The following GALNT9 variants were observed in gnomAD, a reference collection of about 807,000 sequenced individuals.
GALNT9 encodes polypeptide N-acetylgalactosaminyltransferase 9, also known as GalNAc transferase 9.
Under a neutral mutation model 63.1 loss-of-function variants are expected in GALNT9, and 47 were observed. That is an observed-to-expected ratio of 0.75 (90% confidence interval 0.59 to 0.95). The LOEUF is 0.95. Ranked by LOEUF, GALNT9 falls within the 40% of genes least tolerant of loss-of-function variation. The pLI, the probability that GALNT9 is intolerant of heterozygous loss-of-function variation, is 0.00. For synonymous variants in GALNT9, 396 were observed against 365.7 expected (o/e 1.08, Z -0.94); for missense variants, 829 against 874.8 (o/e 0.95, Z 0.66).
chr12:132,311,581 T>C (rs558603968), intron 1 of GALNT9, among the ~76,000 whole-genome samples: 4 of 152,150 alleles, frequency 2.6e-5, no homozygotes, highest in Non-Finnish European at 5.9e-5. Flanking sequence ...AAAGAGACAC[T>C]GTGAGCAAGT....
chr12:132,267,998 C>T (rs549136474), intron 2 of GALNT9, among the ~76,000 whole-genome samples: 2 of 151,128 alleles, frequency 1.3e-5, no homozygotes, highest in African/African-American at 2.5e-5. Context: ...CACACATGCA[C>T]ACACACAGGC....
chr12:132,230,297 T>G (rs1877843804), intron 6 of GALNT9, among the ~76,000 whole-genome samples: 1 of 152,196 alleles, frequency 6.6e-6, no homozygotes, highest in Non-Finnish European at 1.5e-5. Flanking sequence ...AGCATCCGCC[T>G]TCCCGAGTTC....
intron 2 of GALNT9, chr12:132,273,047 A>C (rs1879927018): frequency 6.6e-6 from 1 of 152,324 alleles, no homozygotes; most frequent in African/African-American, 2.4e-5. Context: ...TCTCGCTGCC[A>C]GGCTGTGTCT....
At chr12:132,303,614 C>G (rs367830054) in intron 1 of GALNT9, among the ~76,000 whole-genome samples, 5 of 56,402 alleles carry the variant, frequency 8.9e-5, no homozygotes, top group Non-Finnish European at 1.4e-4. Context: ...CCCGGACACA[C>G]CCTCACCCGG....
At chr12:132,271,090 C>T (rs1555240680) in intron 2 of GALNT9, among the ~76,000 whole-genome samples, 2 of 152,198 alleles carry the variant, frequency 1.3e-5, no homozygotes, top group African/African-American at 4.8e-5. Flanking sequence ...GACGCTGCGC[C>T]CGTCACTCTG....
intron 1 of GALNT9, among the ~76,000 whole-genome samples, chr12:132,324,230 GGA>G (rs1258736843): frequency 6.6e-6 from 1 of 152,160 alleles, no homozygotes; most frequent in Non-Finnish European, 1.5e-5. Flanking sequence ...AGCTCTCGAG[GGA>G]GAGTGTGCCG....
chr12:132,324,384 T>C (rs1868941214), intron 1 of GALNT9, among the ~76,000 whole-genome samples: 1 of 152,302 alleles, frequency 6.6e-6, no homozygotes, highest in South Asian at 2.1e-4. Context: ...TGTGAGCTCC[T>C]ACCTGGCCCT....
chr12:132,247,787 T>G, intron 6 of GALNT9, 123 bp downstream of exon 6: 2 of 1,186,596 alleles, frequency 1.7e-6, no homozygotes, highest in Middle Eastern at 2.3e-4. Flanking sequence ...CCCCGGACGC[T>G]GCAGCCACAC....
chr12:132,212,117 C>T (rs972454048), intron 6 of GALNT9, among the ~76,000 whole-genome samples: 17 of 152,206 alleles, frequency 1.1e-4, no homozygotes, highest in African/African-American at 3.9e-4. Context: ...GCCTTCAGAC[C>T]GTGACACGGA....
Position 132,245,435 on chromosome 12 carries a change from C to G in GALNT9, c.1077+2475G>C, listed in dbSNP as rs1878671732. 6.6e-6 allele frequency among the ~76,000 whole-genome samples: 1 copy of G among 152,048 alleles called. No homozygotes were observed. The highest frequency in any genetic ancestry group is 2.4e-5 in the African/African-American group (1 of 41,374). ...CCAGCCTGGGCAACAGAGTAAGACT[C>G]TGTCTTAAAAAAAAGAAAGGCCCAT... On this transcript the variant is annotated intron_variant, in intron 6 of 10. Coordinates refer to ENST00000328957, the MANE Select transcript of GALNT9 (RefSeq NM_001122636.2). This position sits in a 1 kb window ranked among gnomAD's most constrained non-coding sequence, Gnocchi z 6.3.
chr12:132,288,284 G>T (rs1407398029), intron 1 of GALNT9, among the ~76,000 whole-genome samples: 1 of 152,188 alleles, frequency 6.6e-6, no homozygotes, highest in Admixed American at 6.5e-5. Context: ...GGACTTTCTG[G>T]AATATTCCAT....
At chr12:132,305,986 G>A (rs913022333) in intron 1 of GALNT9, among the ~76,000 whole-genome samples, 1 of 151,868 alleles carries the variant, frequency 6.6e-6, no homozygotes, top group Non-Finnish European at 1.5e-5. Context: ...GGGGGCTCAC[G>A]GCGGGGCCCA....
intron 6 of GALNT9, among the ~76,000 whole-genome samples, chr12:132,210,320 G>T (rs1565987569): frequency 6.6e-6 from 1 of 152,274 alleles, no homozygotes; most frequent in East Asian, 1.9e-4. Flanking sequence ...GCCTGCGGGC[G>T]AGGCCGTCCC....
intron 6 of GALNT9, among the ~76,000 whole-genome samples, chr12:132,208,544 C>T (rs895626032): frequency 2.0e-5 from 3 of 152,216 alleles, no homozygotes; most frequent in Non-Finnish European, 2.9e-5. Context: ...GCACTCACAC[C>T]GATCTCTGTC....
At chr12:132,326,812 C>T (rs1316790586) in intron 1 of GALNT9, among the ~76,000 whole-genome samples, 2 of 152,254 alleles carry the variant, frequency 1.3e-5, no homozygotes, top group Non-Finnish European at 2.9e-5. Context: ...CTCCAGGGAG[C>T]TTCTTACACA....
At chr12:132,291,353 C>T (rs375453527) in intron 1 of GALNT9, among the ~76,000 whole-genome samples, 238 of 68,086 alleles carry the variant, frequency 3.5e-3, no homozygotes, top group African/African-American at 5.5e-3. Flanking sequence ...ACAGCACCCA[C>T]GTCCACAGCA....
rs188785242 is a variant in GALNT9, at chr12:132,199,534, C to T, written c.1402-265G>A. On this transcript the variant is annotated intron_variant, in intron 8 of 10. Coordinates refer to ENST00000328957, the MANE Select transcript of GALNT9 (RefSeq NM_001122636.2). Reference sequence around the variant, plus strand: ...GGGAACACTTGAGCAGCAGGGACGACGGCCCCAGGCTGTGGAGTGGCTTCC... The same window carrying T: ...GGGAACACTTGAGCAGCAGGGACGATGGCCCCAGGCTGTGGAGTGGCTTCC... Among the ~76,000 whole-genome samples, 384 of 152,278 alleles carry T rather than the reference C, an allele frequency of 2.5e-3. 1 individual carries two copies. Among genetic ancestry groups the T allele is most frequent in the African/African-American group, 7.6e-3 (314 of 41,564 alleles).
intron 6 of GALNT9, among the ~76,000 whole-genome samples, chr12:132,226,832 A>C (rs1188460126): frequency 4.8e-5 from 7 of 146,532 alleles, no homozygotes; most frequent in East Asian, 2.0e-4. Context: ...AACACACCCC[A>C]CACACACCAT....
intron 2 of GALNT9, among the ~76,000 whole-genome samples, chr12:132,266,570 A>G (rs1555240224): frequency 6.6e-6 from 1 of 152,214 alleles, no homozygotes; most frequent in African/African-American, 2.4e-5. Context: ...GGAAGCCTGG[A>G]GCCCCAGAAG....
Sources: allele counts gnomAD v4.1 joint callset (sites outside exome capture counted in the v4.1 genomes callset), GRCh38; gene constraint gnomAD v4.1.1; non-coding constraint Gnocchi (gnomAD v3.1); transcripts MANE v1.5; gene names NCBI Gene and HGNC (gene_info 2026-07-23, HGNC 2026-07-21).